MAPK11: variants seen among roughly 807,000 people sequenced by gnomAD.
MAPK11 encodes MAP kinase 11.
Under a neutral mutation model 52.2 loss-of-function variants are expected in MAPK11, and 44 were observed. That is an observed-to-expected ratio of 0.84 (90% CI 0.66 to 1.08). The LOEUF (loss-of-function observed/expected upper bound fraction) is 1.08. Ranked by LOEUF, MAPK11 falls within the 50% of genes least tolerant of loss-of-function variation. MAPK11 has a pLI of 0.00. For missense variants in MAPK11, 436 were observed against 494.7 expected (o/e 0.88, Z 1.13); for synonymous variants, 233 against 206.3 (o/e 1.13, Z -1.11).
intron 1 of MAPK11, among the ~76,000 whole-genome samples, chr22:50,269,025 G>A (rs35017703): frequency 0.033 from 5,018 of 152,200 alleles, 283 homozygotes; most frequent in African/African-American, 0.11. Flanking sequence ...TAAGAAAATG[G>A]GCCAGGGGTG....
Position 50,267,498 on chromosome 22 carries a change from G to A in MAPK11, c.306-16C>T, listed in dbSNP as rs781272491. The A allele has an allele frequency of 3.8e-6, 6 of 1,593,242 alleles. No individual in the cohort carries two copies. Among genetic ancestry groups the A allele is most frequent in the Non-Finnish European group, 5.1e-6 (6 of 1,170,148 alleles). Reference sequence around the variant, plus strand: ...CACCAAGTACCTGGGGCGGGGTCAGGGGGTCAGGACAGGGCCCCACCGCCC... The same window carrying A: ...CACCAAGTACCTGGGGCGGGGTCAGAGGGTCAGGACAGGGCCCCACCGCCC... On this transcript the variant is annotated splice_polypyrimidine_tract_variant and intron_variant, in intron 3 of 11. Transcript: ENST00000330651.
At chr22:50,268,762 G>A (rs1430840455) in intron 1 of MAPK11, among the ~76,000 whole-genome samples, 8 of 152,224 alleles carry the variant, frequency 5.3e-5, no homozygotes, top group Non-Finnish European at 1.2e-4. Flanking sequence ...CTCAGAGCAA[G>A]TGGAGGCTGA....
Position 50,265,009 on chromosome 22 carries a change from A to T in MAPK11, c.1034T>A (p.Val345Asp). 2 of 1,613,162 alleles carry T rather than the reference A, an allele frequency of 1.2e-6. No homozygotes were observed. Among genetic ancestry groups the T allele is most frequent in the Non-Finnish European group, 1.7e-6 (2 of 1,179,712 alleles). Residue 345 changes from valine (V) to aspartate (D), a missense_variant, in exon 12 of 12, where the codon GTC becomes GAC. Coordinates refer to ENST00000330651, the MANE Select transcript of MAPK11 (RefSeq NM_002751.7). ...TGGCTCTGGGGGCTTGAAGCTGAGG[A>T]CTTCCTGGTAAGTGAGCTCTAGGAG... is the stretch of plus-strand genomic sequence containing the variant. ...EEWKELTYQE[V>D]LSFKPPEPPK...
rs969581421 is a variant in MAPK11 at position 50,267,777 on chromosome 22, GC to G, written c.246+42del. 1.4e-5 allele frequency: 13 copies of G among 947,506 alleles called. No individual in the cohort carries two copies. The African/African-American group carries it at 2.2e-4, about 16-fold the overall frequency. The allele number at this position is 947,506 out of a possible 1,614,324, so 58.7% of individuals were successfully genotyped here. A position where few individuals can be genotyped will look rare whatever the true frequency, so the allele number is the denominator to read the frequency against. The stretch of plus-strand genomic sequence containing the variant: ...CGCCTATTGGCTGCGCCGCGGCCCC[GC>G]CCCCGCACGCGCCCTCCCCCCACGG... On this transcript the variant is annotated intron_variant, in intron 2 of 11. Transcript: ENST00000330651.
chr22:50,267,528 G>T, intron 3 of MAPK11, 41 bp downstream of exon 3: 1 of 1,556,470 alleles, frequency 6.4e-7, no homozygotes, highest in Non-Finnish European at 8.7e-7. Flanking sequence ...CCGCCCCACC[G>T]CGAACGCGCT....
intron 9 of MAPK11, 79 bp from the exon 10 acceptor site, chr22:50,265,739 G>T: frequency 2.3e-6 from 2 of 882,804 alleles, no homozygotes; most frequent in Non-Finnish European, 3.5e-6. Context: ...CTCTTGGCAA[G>T]CCCCCAGACT....
In MAPK11 at chr22:50,269,229, C is replaced by T. The variant is rs1033538888; in HGVS notation, c.116+948G>A. Among the ~76,000 whole-genome samples the T allele has an allele frequency of 2.6e-5, 4 of 152,318 alleles. 1 individual carries two copies. The highest frequency in any genetic ancestry group is 2.1e-4 in the South Asian group (1 of 4,828). ...GATGGCTAGAATGACCCACCTACAGCTTCTGATGGAAGGCTAGGGACCACA... is the reference window on the plus strand; with the variant it reads ...GATGGCTAGAATGACCCACCTACAGTTTCTGATGGAAGGCTAGGGACCACA... On this transcript the variant is annotated intron_variant, in intron 1 of 11. Transcript: ENST00000330651.
chr22:50,266,155 C>T, intron 9 of MAPK11, 71 bp downstream of exon 9: 4 of 1,295,558 alleles, frequency 3.1e-6, no homozygotes, highest in Non-Finnish European at 4.3e-6. Flanking sequence ...ATTTCCACAC[C>T]ACCCTCTCCC....
chr22:50,268,002 C>G, intron 1 of MAPK11, 53 bp from the exon 2 acceptor site: 2 of 1,467,134 alleles, frequency 1.4e-6, no homozygotes, highest in Non-Finnish European at 1.8e-6. Flanking sequence ...GGCGGCCGCA[C>G]GCGCGTGGAC....
rs575655920 is a variant in MAPK11, at chr22:50,266,788, C to T, written c.610+146G>A. The T allele has an allele frequency of 5.2e-6, 5 of 954,206 alleles. No individual in the cohort carries two copies. In the South Asian group the frequency reaches 5.5e-5, roughly 10 times the overall value. 59.1% of individuals were successfully genotyped at this position (954,206 alleles called of 1,614,324 possible). ...CCAGAGGAGGCCAGCACCCATCATG[C>T]TCTAGCGGCCTCTGAAGGGCTACTT... is the stretch of plus-strand genomic sequence containing the variant. On this transcript the variant is annotated intron_variant, in intron 7 of 11. Transcript: ENST00000330651.
At chr22:50,265,184 C>T in intron 11 of MAPK11, 137 bp downstream of exon 11, 2 of 1,320,900 alleles carry the variant, frequency 1.5e-6, no homozygotes, top group South Asian at 2.6e-5. Context: ...CTCCTCCGCC[C>T]CGCTCCCAGC....
chr22:50,266,158 C>T, intron 9 of MAPK11, 68 bp downstream of exon 9: 1 of 1,315,596 alleles, frequency 7.6e-7, no homozygotes, highest in African/African-American at 1.5e-5. Flanking sequence ...TCCACACCAC[C>T]CTCTCCCCCA....
chr22:50,266,487 C>A, intron 8 of MAPK11, 53 bp downstream of exon 8: 1 of 1,491,534 alleles, frequency 6.7e-7, no homozygotes, highest in Non-Finnish European at 9.0e-7. Flanking sequence ...CTGGTCCCTA[C>A]CCTACAGGAG....
At chr22:50,269,468 C>G (rs2065290906) in intron 1 of MAPK11, among the ~76,000 whole-genome samples, 3 of 152,244 alleles carry the variant, frequency 2.0e-5, no homozygotes, top group Admixed American at 2.0e-4. Context: ...CTCTCAAAGC[C>G]TGTACCCATG....
rs1450522489 is a variant in MAPK11 at position 50,267,642 on chromosome 22, G to T, written c.247-15C>A. ...AGCCCGATGACCTAGGTGGCGGGGG[G>T]CGTCAGGGCCGGGCGACGAACCCCC... On this transcript the variant is annotated splice_polypyrimidine_tract_variant and intron_variant, in intron 2 of 11. Coordinates refer to ENST00000330651, the MANE Select transcript of MAPK11 (RefSeq NM_002751.7). 3.9e-6 allele frequency: 6 copies of T among 1,530,998 alleles called. No individual in the cohort carries two copies. Among genetic ancestry groups the T allele is most frequent in the South Asian group, 2.4e-5 (2 of 82,738 alleles). 94.8% of individuals were successfully genotyped at this position (1,530,998 alleles called of 1,614,324 possible).
intron 11 of MAPK11, 91 bp downstream of exon 11, chr22:50,265,230 C>G (rs2147267835): frequency 2.0e-6 from 3 of 1,537,450 alleles, no homozygotes; most frequent in Non-Finnish European, 2.7e-6. Context: ...CCACACCTGA[C>G]CAGTCTGGAG....
At chr22:50,267,707 C>T in intron 2 of MAPK11, 80 bp from the exon 3 acceptor site, 2 of 1,449,880 alleles carry the variant, frequency 1.4e-6, no homozygotes, top group Non-Finnish European at 1.8e-6. Context: ...CCCCCAGTGC[C>T]AGGCCGCGCC....
chr22:50,265,521 G>A (rs774569155), intron 10 of MAPK11, 27 bp from the exon 11 acceptor site: 2 of 1,612,952 alleles, frequency 1.2e-6, no homozygotes, highest in Non-Finnish European at 1.7e-6. Context: ...GGTGGGGAGG[G>A]GGGTCAGCTG....
intron 4 of MAPK11, 31 bp downstream of exon 4, chr22:50,267,340 G>T: frequency 1.3e-6 from 2 of 1,484,366 alleles, no homozygotes; most frequent in South Asian, 1.2e-5. Context: ...GCCCCCCTGC[G>T]AGAGGACCCG....
Sources: gnomAD v4.1 joint callset for allele counts (sites outside exome capture counted in the v4.1 genomes callset) on GRCh38, gnomAD v4.1.1 for gene constraint, MANE v1.5 for transcripts, NCBI Gene and HGNC (gene_info 2026-07-23, HGNC 2026-07-21) for gene names.